The following ZNF81 variants were observed in gnomAD, a reference collection of about 807,000 sequenced individuals.
ZNF81 encodes zinc finger protein 81 (HFZ20).
ZNF81 carries 5 observed loss-of-function variants against 32.3 expected under a neutral mutation model. The ratio of observed to expected loss-of-function variants is 0.15; its 90% confidence interval spans 0.08 to 0.33. ZNF81 has a LOEUF of 0.33. Ranked by LOEUF, ZNF81 falls within the 10% of genes least tolerant of loss-of-function variation. The probability of loss-of-function intolerance (pLI) is 1.00; values close to 1 mark genes in which losing one functional copy is unlikely to be tolerated. For synonymous variants in ZNF81, 163 were observed against 166.8 expected (o/e 0.98, Z 0.17); for missense variants, 379 against 479.8 (o/e 0.79, Z 1.96).
Position 47,922,886 on chromosome X carries a change from T to C in ZNF81, c.*6254T>C, listed in dbSNP as rs1556892152. 9.0e-6 allele frequency among the ~76,000 whole-genome samples: 1 copy of C among 111,301 alleles called. No homozygotes were observed. Among genetic ancestry groups the C allele is most frequent in the Non-Finnish European group, 1.9e-5 (1 of 53,045 alleles). On this transcript the variant is annotated 3_prime_UTR_variant, in exon 5 of 5. Coordinates refer to ENST00000338637, the MANE Select transcript of ZNF81 (RefSeq NM_007137.5). The stretch of plus-strand genomic sequence containing the variant: ...TAGCTTTTGAGAGCTTCAGGTGTTA[T>C]TTGGCTTATAGATGCATTATTCCTG...
At chrX:47,856,380 A>T (rs73489331) in intron 2 of ZNF81, among the ~76,000 whole-genome samples, 1 of 111,215 alleles carries the variant, frequency 9.0e-6, no homozygotes, top group African/African-American at 3.3e-5. Flanking sequence ...TTCTGGTCTT[A>T]TGTTGGGATG....
At position 47,925,088 on chromosome X, in the gene ZNF81, A is replaced by G. The variant is rs1556892492; in HGVS notation, c.*8456A>G. Among the ~76,000 whole-genome samples, 1 of 111,650 alleles carries G rather than the reference A, an allele frequency of 9.0e-6. No individual in the cohort carries two copies. The highest frequency in any genetic ancestry group is 1.9e-5 in the Non-Finnish European group (1 of 53,107). On this transcript the variant is annotated 3_prime_UTR_variant, in exon 5 of 5. Transcript: ENST00000338637. Reference sequence around the variant, plus strand: ...GGAATATCATTATCAATCTAATTCTATGATATATCCAGTCCATTTCCAAAT... The same window carrying G: ...GGAATATCATTATCAATCTAATTCTGTGATATATCCAGTCCATTTCCAAAT...
intron 4 of ZNF81, among the ~76,000 whole-genome samples, chrX:47,897,600 C>T (rs1324310891): frequency 8.9e-6 from 1 of 112,036 alleles, no homozygotes; most frequent in Admixed American, 9.5e-5. Context: ...GTACCTTTTG[C>T]GATCTGTTTA....
intron 2 of ZNF81, among the ~76,000 whole-genome samples, chrX:47,875,667 C>T (rs914075210): frequency 1.4e-4 from 16 of 112,197 alleles, no homozygotes; most frequent in African/African-American, 5.2e-4. Context: ...CCAGGCCATC[C>T]CATCCTCATC....
chrX:47,855,290 A>G (rs1168961675), intron 2 of ZNF81, among the ~76,000 whole-genome samples: 2 of 111,448 alleles, frequency 1.8e-5, no homozygotes, highest in Non-Finnish European at 3.8e-5. Context: ...AAAATCTGAC[A>G]CAGAGACATG....
At chrX:47,874,978 G>A (rs1410270649) in intron 2 of ZNF81, among the ~76,000 whole-genome samples, 2 of 110,606 alleles carry the variant, frequency 1.8e-5, no homozygotes, top group East Asian at 2.9e-4. Flanking sequence ...TTCATTGCTG[G>A]TGAAAACAGT....
intron 2 of ZNF81, among the ~76,000 whole-genome samples, chrX:47,861,387 C>T (rs1411885528): frequency 2.0e-4 from 22 of 111,988 alleles, no homozygotes; most frequent in African/African-American, 7.1e-4. Context: ...CAGTACCTGT[C>T]CTCACAAGAT....
intron 4 of ZNF81, among the ~76,000 whole-genome samples, chrX:47,906,512 T>C (rs782745407): frequency 9.1e-6 from 1 of 109,596 alleles, no homozygotes; most frequent in East Asian, 2.9e-4. Context: ...TCATCAACAT[T>C]ATCTGTAAAT....
At position 47,916,185 on chromosome X, in the gene ZNF81, C is replaced by G. The variant is rs186529018; in HGVS notation, c.1539C>G (p.Leu513=). ...AGGCTTTCACCAACAGGTCAAATCT[C>G]AATACTCACCAGAAGTCTCATACTG... is the stretch of plus-strand genomic sequence containing the variant. The part of the protein sequence containing the change: ...CGKAFTNRSN[L]NTHQKSHTGE... Residue 513 remains leucine (L), a synonymous_variant, in exon 5 of 5, where the codon CTC becomes CTG. Transcript: ENST00000338637. 1 of 1,211,425 alleles carries G rather than the reference C, an allele frequency of 8.3e-7. No individual in the cohort carries two copies. The highest frequency in any genetic ancestry group is 1.8e-5 in the South Asian group (1 of 56,971).
rs1034876549 is a variant in ZNF81, at chrX:47,888,024, C to T, written c.80C>T (p.Thr27Ile). 5 of 1,211,088 alleles carry T rather than the reference C, an allele frequency of 4.1e-6. No individual in the cohort carries two copies. The highest frequency in any genetic ancestry group is 5.6e-6 in the Non-Finnish European group (5 of 895,289). The change falls in exon 3 of 5, where the codon ACT (threonine) becomes ATT (isoleucine). Residue 27 changes from threonine to isoleucine, a missense_variant. Coordinates refer to ENST00000338637, the MANE Select transcript of ZNF81 (RefSeq NM_007137.5). Reference sequence around the variant, plus strand: ...GTATCAGTGTCATTTGAGGATGTGACTGTGGACTTCAGTAGAGAGGAGTGG... The same window carrying T: ...GTATCAGTGTCATTTGAGGATGTGATTGTGGACTTCAGTAGAGAGGAGTGG... Reference protein sequence around the residue: ...CEVSVSFEDVTVDFSREEWQQ... With the variant: ...CEVSVSFEDVIVDFSREEWQQ...
At chrX:47,864,628 A>T (rs2058553336) in intron 2 of ZNF81, among the ~76,000 whole-genome samples, 1 of 112,196 alleles carries the variant, frequency 8.9e-6, no homozygotes, top group Admixed American at 9.4e-5. Flanking sequence ...ATTTGTGCCC[A>T]GTCTGTGACA....
chrX:47,910,697 G>A (rs782253026), intron 4 of ZNF81, among the ~76,000 whole-genome samples: 2 of 111,926 alleles, frequency 1.8e-5, no homozygotes, highest in African/African-American at 6.5e-5. Flanking sequence ...ACTAGGTGCT[G>A]TATTATAATA....
chrX:47,901,249 C>T (rs912428255), intron 4 of ZNF81, among the ~76,000 whole-genome samples: 5 of 111,812 alleles, frequency 4.5e-5, no homozygotes, highest in African/African-American at 6.5e-5. Context: ...CCTTGTATTC[C>T]GAGACTTTGC....
At chrX:47,839,877 G>A (rs1410944181) in intron 1 of ZNF81, among the ~76,000 whole-genome samples, 1 of 110,858 alleles carries the variant, frequency 9.0e-6, no homozygotes, top group East Asian at 2.9e-4. Context: ...GGACAGCTTG[G>A]AATGCAGCCC....
At chrX:47,913,665 A>T (rs781946738) in intron 4 of ZNF81, among the ~76,000 whole-genome samples, 140 of 112,299 alleles carry the variant, frequency 1.2e-3, no homozygotes, top group African/African-American at 4.3e-3. Flanking sequence ...ATTTGTAGTT[A>T]TCACCCCCTC....
At chrX:47,864,996 C>T (rs1373706754) in intron 2 of ZNF81, among the ~76,000 whole-genome samples, 2 of 112,375 alleles carry the variant, frequency 1.8e-5, no homozygotes, top group Non-Finnish European at 3.8e-5. Flanking sequence ...ATTCTCAGTT[C>T]TGCTGAGGTT....
At chrX:47,886,443 C>T (rs530929186) in intron 2 of ZNF81, among the ~76,000 whole-genome samples, 8 of 111,271 alleles carry the variant, frequency 7.2e-5, no homozygotes, top group East Asian at 2.8e-4. Flanking sequence ...AATCAGAGAT[C>T]TGGGCAGAGT....
intron 1 of ZNF81, among the ~76,000 whole-genome samples, chrX:47,840,666 C>A (rs2058445197): frequency 9.1e-6 from 1 of 110,431 alleles, no homozygotes; most frequent in Non-Finnish European, 1.9e-5. Flanking sequence ...CGCCACCATG[C>A]CCGGCTAATT....
At chrX:47,840,821 T>A (rs1392042009) in intron 1 of ZNF81, 5 of 352,441 alleles carry the variant, frequency 1.4e-5, no homozygotes, top group African/African-American at 1.3e-4. Flanking sequence ...TACTGTCTTT[T>A]CTTTGACCCT....
Sources: allele counts gnomAD v4.1 joint callset (sites outside exome capture counted in the v4.1 genomes callset), GRCh38; gene constraint gnomAD v4.1.1; transcripts MANE v1.5; gene names NCBI Gene and HGNC (gene_info 2026-07-23, HGNC 2026-07-21).